MAGI3: variants seen among roughly 807,000 people sequenced by gnomAD.
MAGI3 encodes the protein membrane-associated guanylate kinase, WW and PDZ domain-containing protein 3.
Under a neutral mutation model 121.8 loss-of-function variants are expected in MAGI3, and 43 were observed. That is an observed-to-expected ratio of 0.35 (90% confidence interval 0.28 to 0.46). The LOEUF is 0.46. Among genes scored for constraint, MAGI3 ranks in the 20% least tolerant of loss-of-function variants. MAGI3 has a pLI of 1.00. For missense variants in MAGI3, 1,547 were observed against 1,797.3 expected (o/e 0.86, Z 2.52); for synonymous variants, 553 against 639.3 (o/e 0.86, Z 2.04).
chr1:113,577,521 G>A (rs1382550758), intron 2 of MAGI3, among the ~76,000 whole-genome samples: 1 of 151,322 alleles, frequency 6.6e-6, no homozygotes, highest in Non-Finnish European at 1.5e-5. Context: ...TACAGTATTA[G>A]GAGAATATAA....
intron 1 of MAGI3, among the ~76,000 whole-genome samples, chr1:113,406,278 G>GAA (rs764250269): frequency 5.1e-4 from 38 of 74,508 alleles, no homozygotes; most frequent in African/African-American, 1.1e-3. Context: ...TTTGTCTACA[G>GAA]AAAAAAAAAA....
At chr1:113,416,378 T>G (rs1210617662) in intron 1 of MAGI3, among the ~76,000 whole-genome samples, 57 of 99,372 alleles carry the variant, frequency 5.7e-4, no homozygotes, top group Non-Finnish European at 6.6e-4. Context: ...TATTAATATA[T>G]TAATAATATA....
chr1:113,549,687 T>A, intron 2 of MAGI3, 56 bp downstream of exon 2: 1 of 905,744 alleles, frequency 1.1e-6, no homozygotes, highest in Non-Finnish European at 1.7e-6. Flanking sequence ...CTTAACTAAT[T>A]AAACATCTAC....
chr1:113,567,216 C>T (rs1353293155), intron 2 of MAGI3, among the ~76,000 whole-genome samples: 1 of 151,664 alleles, frequency 6.6e-6, no homozygotes, highest in Non-Finnish European at 1.5e-5. Context: ...GAGATATAAA[C>T]CTACCAAGAC....
At chr1:113,603,587 T>A (rs1649541298) in intron 6 of MAGI3, among the ~76,000 whole-genome samples, 1 of 151,796 alleles carries the variant, frequency 6.6e-6, no homozygotes, top group South Asian at 2.1e-4. Context: ...CTGATGAAAA[T>A]AGAAAGACCC....
At chr1:113,680,290 G>A (rs1242260899) in intron 19 of MAGI3, among the ~76,000 whole-genome samples, 4 of 152,062 alleles carry the variant, frequency 2.6e-5, no homozygotes, top group South Asian at 4.1e-4. Context: ...CTTCACATTC[G>A]GACATAGCTC....
intron 16 of MAGI3, among the ~76,000 whole-genome samples, chr1:113,671,206 T>C (rs1647531264): frequency 6.6e-6 from 1 of 152,206 alleles, no homozygotes. Flanking sequence ...AAATATTTGT[T>C]AGCACTCAGG....
chr1:113,606,618 C>T (rs1241872320), intron 6 of MAGI3, among the ~76,000 whole-genome samples: 1 of 152,152 alleles, frequency 6.6e-6, no homozygotes, highest in Non-Finnish European at 1.5e-5. Context: ...TCTGTTTCCT[C>T]TTGCTTTTGA....
At chr1:113,589,859 A>G (rs1050883971) in intron 4 of MAGI3, among the ~76,000 whole-genome samples, 1 of 152,164 alleles carries the variant, frequency 6.6e-6, no homozygotes. Context: ...AAGGATTTTA[A>G]TATTACTAAA....
intron 1 of MAGI3, among the ~76,000 whole-genome samples, chr1:113,409,333 G>C (rs1462064813): frequency 6.6e-6 from 1 of 151,972 alleles, no homozygotes; most frequent in East Asian, 1.9e-4. Flanking sequence ...CTTTCAACTA[G>C]AAGTTTACTT....
intron 15 of MAGI3, among the ~76,000 whole-genome samples, chr1:113,654,571 A>G (rs1653367854): frequency 6.6e-6 from 1 of 152,164 alleles, no homozygotes; most frequent in African/African-American, 2.4e-5. Context: ...TTTGTCAACA[A>G]TTGGAAAATG....
In MAGI3 at chr1:113,673,401, A is replaced by G; in HGVS notation, c.3125A>G (p.Asn1042Ser). 6.2e-7 allele frequency: 1 copy of G among 1,613,084 alleles called. No individual in the cohort carries two copies. Among genetic ancestry groups the G allele is most frequent in the Non-Finnish European group, 8.5e-7 (1 of 1,179,928 alleles). Residue 1042 changes from asparagine to serine, a missense_variant, in exon 19 of 21, where the codon AAC becomes AGC. Asn to Ser is a conservative substitution (Grantham distance 46). Transcript: ENST00000307546. The part of the protein sequence containing the change: ...GFSLRGGKEY[N>S]MGLFILRLAE... ...AGCCTCCGAGGGGGGAAGGAGTACA[A>G]CATGGGGCTGTTCATCCTTCGTCTT...
chr1:113,643,491 C>G (rs1437489284), intron 10 of MAGI3, among the ~76,000 whole-genome samples: 1 of 152,182 alleles, frequency 6.6e-6, no homozygotes, highest in Non-Finnish European at 1.5e-5. Context: ...TGCCTTGCCA[C>G]TTACTGGTTC....
intron 1 of MAGI3, among the ~76,000 whole-genome samples, chr1:113,481,544 G>A (rs1439017713): frequency 6.6e-6 from 1 of 151,974 alleles, no homozygotes; most frequent in Non-Finnish European, 1.5e-5. Flanking sequence ...AAAAAGAGAA[G>A]CAAGCTTCTG....
At chr1:113,599,548 A>G (rs928899577) in intron 6 of MAGI3, among the ~76,000 whole-genome samples, 1 of 152,152 alleles carries the variant, frequency 6.6e-6, no homozygotes, top group Non-Finnish European at 1.5e-5. Flanking sequence ...GAGTAGACCA[A>G]TAACAGGCTC....
At chr1:113,444,889 C>G (rs938247732) in intron 1 of MAGI3, among the ~76,000 whole-genome samples, 9 of 152,096 alleles carry the variant, frequency 5.9e-5, no homozygotes, top group Admixed American at 3.9e-4. Flanking sequence ...AAGTGGAAAT[C>G]TCAATAAACA....
chr1:113,585,390 A>C lies in MAGI3; in HGVS notation c.557A>C (p.Asn186Thr), dbSNP rs1430672980. The C allele has an allele frequency of 6.2e-7, 1 of 1,613,810 alleles. No homozygotes were observed. Among genetic ancestry groups the C allele is most frequent in the Non-Finnish European group, 8.5e-7 (1 of 1,179,844 alleles). Residue 186 changes from asparagine to threonine, a missense_variant, in exon 4 of 21, where the codon AAC (asparagine) becomes ACC (threonine). Coordinates refer to ENST00000307546, the MANE Select transcript of MAGI3 (RefSeq NM_001142782.2). ...GCTGCTATTTTATTCACTTCAGGAA[A>C]CTTCTATGGAACTCCCAAGCCTCCA... ...ALLESGTYDG[N>T]FYGTPKPPAE...
intron 1 of MAGI3, among the ~76,000 whole-genome samples, chr1:113,463,974 T>G (rs748852827): frequency 1.3e-5 from 2 of 152,148 alleles, no homozygotes; most frequent in Non-Finnish European, 2.9e-5. Flanking sequence ...ATTCATCACC[T>G]TAAATATTTG....
chr1:113,612,193 T>C (rs1180846687), intron 6 of MAGI3, among the ~76,000 whole-genome samples: 1 of 152,108 alleles, frequency 6.6e-6, no homozygotes, highest in African/African-American at 2.4e-5. Context: ...CCGCCCGCCT[T>C]GGCCTCCCAA....
Sources: allele counts gnomAD v4.1 joint callset (sites outside exome capture counted in the v4.1 genomes callset), GRCh38; gene constraint gnomAD v4.1.1; transcripts MANE v1.5; gene names NCBI Gene and HGNC (gene_info 2026-07-23, HGNC 2026-07-21).